SCAI: variants seen among roughly 807,000 people sequenced by gnomAD.
SCAI encodes suppressor of cancer cell invasion.
Under a neutral mutation model 92.2 loss-of-function variants are expected in SCAI, and 24 were observed. The ratio of observed to expected loss-of-function variants is 0.26; its 90% CI spans 0.19 to 0.37. The LOEUF (loss-of-function observed/expected upper bound fraction) is 0.37, where lower values mean the gene tolerates loss of function less well. SCAI is among the 10% of genes least tolerant of loss of function. SCAI has a pLI of 1.00. For synonymous variants in SCAI, 261 were observed against 258.6 expected, an observed-to-expected ratio of 1.01 and a Z score of -0.09; for missense variants, 450 against 736.2, an observed-to-expected ratio of 0.61 and a Z score of 4.50.
At chr9:125,100,741 A>G (rs1313584393) in intron 2 of SCAI, among the ~76,000 whole-genome samples, 6 of 152,182 alleles carry the variant, frequency 3.9e-5, no homozygotes, top group African/African-American at 7.2e-5. Flanking sequence ...AAGAGCTGCA[A>G]TTGGAAACAG....
chr9:125,002,372 A>G (rs1057019561), intron 11 of SCAI, among the ~76,000 whole-genome samples: 1 of 152,134 alleles, frequency 6.6e-6, no homozygotes, highest in Non-Finnish European at 1.5e-5. Context: ...CTTTCTCTAC[A>G]TAGACTTTGG....
chr9:125,085,624 T>C (rs1235534609), intron 2 of SCAI, among the ~76,000 whole-genome samples: 1 of 152,108 alleles, frequency 6.6e-6, no homozygotes, highest in African/African-American at 2.4e-5. Flanking sequence ...AGAGTCCCCA[T>C]CAAAAACTTA....
intron 2 of SCAI, among the ~76,000 whole-genome samples, chr9:125,083,614 T>G (rs1834265209): frequency 6.6e-6 from 1 of 151,934 alleles, no homozygotes; most frequent in African/African-American, 2.4e-5. Context: ...TAAGTCCAAT[T>G]AAACCTCTTT....
chr9:125,037,418 A>AAAAG (rs1040688916), intron 3 of SCAI, among the ~76,000 whole-genome samples: 4 of 152,034 alleles, frequency 2.6e-5, no homozygotes, highest in Admixed American at 2.6e-4. Flanking sequence ...CTACAAAAAA[A>AAAAG]AAAAGAAAAG....
At chr9:125,092,253 G>A (rs2131198154) in intron 2 of SCAI, among the ~76,000 whole-genome samples, 1 of 149,868 alleles carries the variant, frequency 6.7e-6, no homozygotes, top group East Asian at 2.0e-4. Context: ...GAGGTCAGGA[G>A]TTCAAGACCA....
intron 2 of SCAI, among the ~76,000 whole-genome samples, chr9:125,099,456 AT>A (rs1410274036): frequency 6.6e-6 from 1 of 151,806 alleles, no homozygotes; most frequent in Non-Finnish European, 1.5e-5. Flanking sequence ...ATTTTTTTGT[AT>A]TTTTAGTAGA....
At chr9:125,131,268 C>T (rs1835395012) in intron 2 of SCAI, among the ~76,000 whole-genome samples, 1 of 151,626 alleles carries the variant, frequency 6.6e-6, no homozygotes, top group African/African-American at 2.4e-5. Context: ...ATTAGCCAGG[C>T]ATGATGGGAG....
In SCAI at chr9:125,142,697, G is replaced by C. The variant is rs764496645; in HGVS notation, c.54-20C>G. 6.2e-7 allele frequency: 1 copy of C among 1,610,586 alleles called. No homozygotes were observed. Among genetic ancestry groups the C allele is most frequent in the Non-Finnish European group, 8.5e-7 (1 of 1,176,884 alleles). ...GTCAGTCTGCAGACCAAACAAATAA[G>C]ACGGTAACTAAAAGTAACATACAAG... On this transcript the variant is annotated intron_variant, in intron 1 of 17. Coordinates refer to ENST00000336505, the MANE Select transcript of SCAI (RefSeq NM_001144877.3).
intron 3 of SCAI, among the ~76,000 whole-genome samples, chr9:125,043,133 G>A (rs1195116571): frequency 6.6e-6 from 1 of 151,526 alleles, no homozygotes; most frequent in East Asian, 2.0e-4. Flanking sequence ...TTCCCAAAGT[G>A]CTGGAATTAC....
chr9:125,075,599 T>C (rs535499912), intron 2 of SCAI, among the ~76,000 whole-genome samples: 1 of 146,708 alleles, frequency 6.8e-6, no homozygotes, highest in South Asian at 2.2e-4. Flanking sequence ...GGAGTTTCGC[T>C]CCTGTTGACC....
chr9:124,953,263 A>T (rs903613184), intron 17 of SCAI, among the ~76,000 whole-genome samples: 12 of 152,202 alleles, frequency 7.9e-5, no homozygotes, highest in African/African-American at 2.9e-4. Context: ...CTGGGGGGAA[A>T]ATCCTAACAC....
At chr9:124,994,874 T>C in intron 14 of SCAI, 60 bp downstream of exon 14, 8 of 1,036,604 alleles carry the variant, frequency 7.7e-6, no homozygotes, top group South Asian at 1.4e-5. Context: ...ACATTAAGAG[T>C]GGGTACCCTT....
intron 3 of SCAI, among the ~76,000 whole-genome samples, chr9:125,052,202 A>T (rs1182823289): frequency 5.3e-5 from 8 of 152,374 alleles, no homozygotes; most frequent in Admixed American, 5.2e-4. Context: ...AAGTACAAGC[A>T]ATGAAAGAAA....
intron 2 of SCAI, among the ~76,000 whole-genome samples, chr9:125,086,463 C>T (rs1834328307): frequency 6.6e-6 from 1 of 152,150 alleles, no homozygotes; most frequent in Non-Finnish European, 1.5e-5. Context: ...AGAGGGAATG[C>T]TGAATAGCTG....
intron 2 of SCAI, among the ~76,000 whole-genome samples, chr9:125,127,714 T>A (rs1835307117): frequency 6.6e-6 from 1 of 152,138 alleles, no homozygotes; most frequent in Non-Finnish European, 1.5e-5. Context: ...CTGCTCCATT[T>A]AAGATTTTTC....
At chr9:124,998,135 T>C (rs931659821) in intron 13 of SCAI, among the ~76,000 whole-genome samples, 2 of 151,898 alleles carry the variant, frequency 1.3e-5, no homozygotes, top group South Asian at 2.1e-4. Context: ...TGTAACAACA[T>C]TCATTTGTGC....
At chr9:125,059,502 T>C (rs1833733108) in intron 2 of SCAI, among the ~76,000 whole-genome samples, 3 of 152,102 alleles carry the variant, frequency 2.0e-5, no homozygotes, top group Admixed American at 2.0e-4. Flanking sequence ...ACAAACACAG[T>C]AAAATACAGT....
intron 3 of SCAI, among the ~76,000 whole-genome samples, chr9:125,034,891 A>G (rs1833160409): frequency 6.6e-6 from 1 of 152,348 alleles, no homozygotes; most frequent in Non-Finnish European, 1.5e-5. Flanking sequence ...GCTATGTATA[A>G]TATTTACATA....
chr9:124,960,494 A>G (rs1564357854), intron 17 of SCAI, among the ~76,000 whole-genome samples: 1 of 152,360 alleles, frequency 6.6e-6, no homozygotes, highest in Admixed American at 6.5e-5. Flanking sequence ...AGTAACAAAA[A>G]GGAATGAGCT....
Sources: gnomAD v4.1 joint callset for allele counts (sites outside exome capture counted in the v4.1 genomes callset) on GRCh38, gnomAD v4.1.1 for gene constraint, MANE v1.5 for transcripts, NCBI Gene and HGNC (gene_info 2026-07-23, HGNC 2026-07-21) for gene names.